MAF: variants seen among roughly 807,000 people sequenced by gnomAD.
MAF encodes MAF bZIP transcription factor, also known as transcription factor Maf.
In MAF, 10 loss-of-function variants were observed where a neutral mutation model predicts 22.0. The ratio of observed to expected loss-of-function variants is 0.45; its 90% CI spans 0.28 to 0.77. The LOEUF is 0.77. Ranked by LOEUF, MAF falls within the 30% of genes least tolerant of loss-of-function variation. The pLI, the probability that MAF is intolerant of heterozygous loss-of-function variation, is 0.12. For missense variants in MAF, 544 were observed against 548.4 expected (o/e 0.99, Z 0.08); for synonymous variants, 337 against 255.8 (o/e 1.32, Z -3.03).
chr16:79,537,896 C>G, the MAF span, among the ~76,000 whole-genome samples: 41 of 152,272 alleles, frequency 2.7e-4, no homozygotes, highest in South Asian at 8.3e-4. Context: ...TGTAGGTTCT[C>G]ATGGTATGCA....
At chr16:79,364,998 C>G in the MAF span, among the ~76,000 whole-genome samples, 1 of 152,254 alleles carries the variant, frequency 6.6e-6, no homozygotes, top group African/African-American at 2.4e-5. Flanking sequence ...TTTGTAGAGG[C>G]AAGACAAAAG....
chr16:79,489,380 G>A, the MAF span, among the ~76,000 whole-genome samples: 1 of 152,038 alleles, frequency 6.6e-6, no homozygotes, highest in Non-Finnish European at 1.5e-5. Context: ...CATCCTTTGT[G>A]TACTGAATAT....
chr16:79,556,027 T>A, the MAF span, among the ~76,000 whole-genome samples: 1 of 152,196 alleles, frequency 6.6e-6, no homozygotes, highest in African/African-American at 2.4e-5. Context: ...TTAGTTTAGT[T>A]TAGTTTGTTT....
chr16:79,461,353 G>T, the MAF span, among the ~76,000 whole-genome samples: 62 of 152,216 alleles, frequency 4.1e-4, no homozygotes, highest in South Asian at 1.9e-3. Context: ...TTTCTGCTCA[G>T]CTGTCTCTCT....
At chr16:79,561,761 C>T in the MAF span, among the ~76,000 whole-genome samples, 3 of 152,154 alleles carry the variant, frequency 2.0e-5, no homozygotes, top group African/African-American at 7.2e-5. Flanking sequence ...ATTATCCACA[C>T]ACTTCCGAAT....
At chr16:79,218,434 T>C in the MAF span, among the ~76,000 whole-genome samples, 5 of 152,194 alleles carry the variant, frequency 3.3e-5, no homozygotes, top group African/African-American at 1.2e-4. Context: ...TATCAATTGA[T>C]CTCCTCAGCA....
the MAF span, among the ~76,000 whole-genome samples, chr16:79,502,457 C>T: frequency 6.6e-6 from 1 of 151,932 alleles, no homozygotes; most frequent in South Asian, 2.1e-4. Context: ...CTTGAGGTCA[C>T]AAATTCGAGA....
the MAF span, among the ~76,000 whole-genome samples, chr16:79,327,130 G>A: frequency 3.3e-5 from 5 of 152,208 alleles, no homozygotes; most frequent in Non-Finnish European, 5.9e-5. Flanking sequence ...TGAAGCAAAA[G>A]TGGATTGGAT....
At chr16:79,352,877 C>T in the MAF span, among the ~76,000 whole-genome samples, 1 of 152,168 alleles carries the variant, frequency 6.6e-6, no homozygotes, top group Admixed American at 6.5e-5. Flanking sequence ...TATTAAATTA[C>T]CCTCATTTCT....
the MAF span, among the ~76,000 whole-genome samples, chr16:79,571,583 C>T: frequency 0.2 from 30,034 of 147,078 alleles, 3,474 homozygotes; most frequent in Non-Finnish European, 0.26. Flanking sequence ...AGTACTTCCC[C>T]ATAAAATGGG....
At chr16:79,481,823 T>C in the MAF span, among the ~76,000 whole-genome samples, 7 of 152,184 alleles carry the variant, frequency 4.6e-5, no homozygotes, top group African/African-American at 1.4e-4. Flanking sequence ...TGGAGAGCAA[T>C]GCCACCTTGA....
At chr16:79,271,248 G>A in the MAF span, among the ~76,000 whole-genome samples, 1 of 152,048 alleles carries the variant, frequency 6.6e-6, no homozygotes, top group Non-Finnish European at 1.5e-5. Context: ...AACCATGTTA[G>A]GGCCCTAGCT....
At chr16:79,340,651 T>G in the MAF span, among the ~76,000 whole-genome samples, 1 of 151,860 alleles carries the variant, frequency 6.6e-6, no homozygotes. Flanking sequence ...CAGAGTGGGA[T>G]CTCTACCTGG....
chr16:79,406,798 C>A, the MAF span, among the ~76,000 whole-genome samples: 4 of 152,178 alleles, frequency 2.6e-5, no homozygotes, highest in Non-Finnish European at 5.9e-5. Flanking sequence ...CTCCAGATCT[C>A]TTTCTGTACA....
At chr16:79,241,556 T>G in the MAF span, among the ~76,000 whole-genome samples, 1 of 151,900 alleles carries the variant, frequency 6.6e-6, no homozygotes, top group African/African-American at 2.4e-5. Flanking sequence ...AAAGACCAAA[T>G]CTACATTTGA....
chr16:79,563,520 G>T, the MAF span, among the ~76,000 whole-genome samples: 1 of 142,916 alleles, frequency 7.0e-6, no homozygotes. Flanking sequence ...AAAAAAAAAA[G>T]ATTTGTGAAA....
chr16:79,594,783 A>T, intron 1 of MAF: 1 of 1,322,468 alleles, frequency 7.6e-7, no homozygotes, highest in Non-Finnish European at 9.7e-7. Context: ...TATTTCTAAA[A>T]ATGCCTTTTA....
the MAF span, among the ~76,000 whole-genome samples, chr16:79,547,906 G>C: frequency 9.0e-6 from 1 of 110,692 alleles, no homozygotes; most frequent in Non-Finnish European, 2.2e-5. Context: ...GTGTGTGAGA[G>C]AGAGAGAGAG....
chr16:79,343,055 G>A, the MAF span, among the ~76,000 whole-genome samples: 1 of 152,198 alleles, frequency 6.6e-6, no homozygotes, highest in Non-Finnish European at 1.5e-5. Flanking sequence ...ACCTCAGCTA[G>A]CTGGAGACTG....
Sources: gnomAD v4.1 joint callset for allele counts (sites outside exome capture counted in the v4.1 genomes callset) on GRCh38, gnomAD v4.1.1 for gene constraint, MANE v1.5 for transcripts, NCBI Gene and HGNC (gene_info 2026-07-23, HGNC 2026-07-21) for gene names.